HERC3: variants seen among roughly 807,000 people sequenced by gnomAD.
The protein encoded by HERC3 is probable E3 ubiquitin-protein ligase HERC3.
A neutral mutation model predicts 129.9 loss-of-function variants in HERC3; 58 were observed. The ratio of observed to expected loss-of-function variants is 0.45; its 90% CI spans 0.36 to 0.56. The LOEUF is 0.56. Among genes scored for constraint, HERC3 ranks in the 20% least tolerant of loss-of-function variants. The pLI is 0.00. For missense variants in HERC3, 835 were observed against 1,244.2 expected, an observed-to-expected ratio of 0.67 and a Z score of 4.95; for synonymous variants, 430 against 451.0, an observed-to-expected ratio of 0.95 and a Z score of 0.59.
chr4:88,697,942 T>C (rs1734839411), intron 23 of HERC3: 4 of 720,330 alleles, frequency 5.6e-6, no homozygotes, highest in Non-Finnish European at 9.1e-6. Flanking sequence ...GACGGCCGTG[T>C]GCTCATACTG....
chr4:88,656,019 G>C lies in HERC3; in HGVS notation c.1053G>C (p.Gln351His), dbSNP rs748645971. 2 of 1,614,060 alleles carry C rather than the reference G, an allele frequency of 1.2e-6. No homozygotes were observed. The highest frequency in any genetic ancestry group is 4.5e-5 in the East Asian group (2 of 44,884). ...GTTACTGGGCTGCCCACAGTGGCCAGCTTTCAGCCCGAGCTGGTAAGAATG... is the reference window on the plus strand; with the variant it reads ...GTTACTGGGCTGCCCACAGTGGCCACCTTTCAGCCCGAGCTGGTAAGAATG... ...VKGYWAAHSG[Q>H]LSARADRFKY... The change falls in exon 9 of 26, where the codon CAG becomes CAC. Residue 351 changes from glutamine to histidine, a missense_variant. Gln to His is a conservative substitution (Grantham distance 24). Coordinates refer to ENST00000402738, the MANE Select transcript of HERC3 (RefSeq NM_014606.3).
At chr4:88,609,180 G>A (rs1043572115) in intron 3 of HERC3, among the ~76,000 whole-genome samples, 3 of 151,928 alleles carry the variant, frequency 2.0e-5, no homozygotes, top group Admixed American at 1.3e-4. Context: ...CTACTTGGGA[G>A]GTTGAGGTTG....
intron 23 of HERC3, among the ~76,000 whole-genome samples, chr4:88,688,781 A>G (rs924773508): frequency 6.6e-6 from 1 of 152,238 alleles, no homozygotes; most frequent in Non-Finnish European, 1.5e-5. Flanking sequence ...GCTTACAGCA[A>G]GAATCAACAA....
upstream of HERC3, chr4:88,592,405 A>C (rs1313426984): frequency 2.0e-5 from 3 of 152,268 alleles, no homozygotes; most frequent in Non-Finnish European, 4.4e-5. Context: ...CCCATCCCAG[A>C]ACGGCGCCCA....
chr4:88,682,111 A>C (rs1173994566), intron 21 of HERC3, among the ~76,000 whole-genome samples: 1 of 152,190 alleles, frequency 6.6e-6, no homozygotes, highest in Admixed American at 6.5e-5. Context: ...GTTGATGGAC[A>C]TTGGGTTGTT....
At chr4:88,689,757 T>C (rs563917287) in intron 23 of HERC3, among the ~76,000 whole-genome samples, 1 of 152,204 alleles carries the variant, frequency 6.6e-6, no homozygotes, top group African/African-American at 2.4e-5. Flanking sequence ...TTTGTATTTT[T>C]AGTAGAGATG....
At chr4:88,543,886 GA>G in the HERC3 span, among the ~76,000 whole-genome samples, 1 of 152,140 alleles carries the variant, frequency 6.6e-6, no homozygotes, top group Non-Finnish European at 1.5e-5. Context: ...GCTGAAACTG[GA>G]TCCCTTCCTT....
chr4:88,705,707 G>A (rs779215973), intron 25 of HERC3, among the ~76,000 whole-genome samples: 3 of 152,154 alleles, frequency 2.0e-5, no homozygotes, highest in Non-Finnish European at 2.9e-5. Flanking sequence ...TGTAATCAGC[G>A]TCAGAAATTA....
At chr4:88,599,821 A>C (rs1722787762) in intron 2 of HERC3, among the ~76,000 whole-genome samples, 1 of 152,168 alleles carries the variant, frequency 6.6e-6, no homozygotes, top group African/African-American at 2.4e-5. Context: ...CCACCCATCC[A>C]CTTTTAGGAA....
intron 3 of HERC3, among the ~76,000 whole-genome samples, chr4:88,648,962 G>GT (rs1374561793): frequency 6.7e-6 from 1 of 149,798 alleles, no homozygotes; most frequent in African/African-American, 2.5e-5. Context: ...CTGTTGGTTT[G>GT]TTTTTTGAAT....
At chr4:88,547,032 TC>T in the HERC3 span, among the ~76,000 whole-genome samples, 1 of 152,172 alleles carries the variant, frequency 6.6e-6, no homozygotes, top group African/African-American at 2.4e-5. Context: ...TTTCAGTACT[TC>T]CTTAACCTTT....
At position 88,654,348 on chromosome 4, in the gene HERC3, TCATATATATATA is replaced by T. The variant is rs1194167221; in HGVS notation, c.777+216_777+227del. ...CCTCTTTGGTAATCTTGTAGATTTTTCATATATATATATATATATATATATATATATATATAT... is the reference window on the plus strand; with the variant it reads ...CCTCTTTGGTAATCTTGTAGATTTTTTATATATATATATATATATATATAT... On this transcript the variant is annotated intron_variant, in intron 7 of 25. Coordinates refer to ENST00000402738, the MANE Select transcript of HERC3 (RefSeq NM_014606.3). Among the ~76,000 whole-genome samples, 818 of 109,650 alleles carry T rather than the reference TCATATATATATA, an allele frequency of 7.5e-3. 11 individuals are homozygous for T. Among genetic ancestry groups the T allele is most frequent in the African/African-American group, 0.025 (776 of 31,478 alleles). The allele number at this position is 109,650 out of a possible 152,430, so 71.9% of individuals were successfully genotyped here. A position where few individuals can be genotyped will look rare whatever the true frequency, so the allele number is the denominator to read the frequency against.
intron 16 of HERC3, among the ~76,000 whole-genome samples, chr4:88,670,620 T>C (rs140095049): frequency 3.3e-5 from 5 of 152,218 alleles, no homozygotes; most frequent in African/African-American, 1.2e-4. Flanking sequence ...TAAGAAAGTT[T>C]GGAGATCCAA....
upstream of HERC3, among the ~76,000 whole-genome samples, chr4:88,588,899 G>C (rs1027511008): frequency 3.3e-5 from 5 of 152,204 alleles, no homozygotes; most frequent in Admixed American, 1.3e-4. Flanking sequence ...ACCAGTGATA[G>C]AGCTGAACCA....
chr4:88,529,269 G>C, the HERC3 span, among the ~76,000 whole-genome samples: 2 of 152,108 alleles, frequency 1.3e-5, no homozygotes, highest in African/African-American at 4.8e-5. Flanking sequence ...TTCAAGACCA[G>C]ACTGAGCAAC....
At chr4:88,683,393 G>C (rs1223728548) in intron 21 of HERC3, among the ~76,000 whole-genome samples, 1 of 152,126 alleles carries the variant, frequency 6.6e-6, no homozygotes, top group African/African-American at 2.4e-5. Flanking sequence ...GACACACAGA[G>C]TGGAAGAAAA....
chr4:88,666,692 G>A (rs1043187114), intron 12 of HERC3, among the ~76,000 whole-genome samples: 7 of 152,230 alleles, frequency 4.6e-5, no homozygotes, highest in South Asian at 2.1e-4. Flanking sequence ...ATGTTCAAGA[G>A]CAGGATATAT....
chr4:88,556,919 T>C, the HERC3 span, among the ~76,000 whole-genome samples: 1 of 152,096 alleles, frequency 6.6e-6, no homozygotes, highest in Non-Finnish European at 1.5e-5. Context: ...TGCTGGAATC[T>C]TTCCTATTCT....
At chr4:88,700,924 C>A (rs1355302137) in intron 23 of HERC3, among the ~76,000 whole-genome samples, 3 of 152,072 alleles carry the variant, frequency 2.0e-5, no homozygotes, top group Non-Finnish European at 2.9e-5. Flanking sequence ...TATGGCCTAC[C>A]CACATTATGG....
Sources: allele counts gnomAD v4.1 joint callset (sites outside exome capture counted in the v4.1 genomes callset), GRCh38; gene constraint gnomAD v4.1.1; transcripts MANE v1.5; gene names NCBI Gene and HGNC (gene_info 2026-07-23, HGNC 2026-07-21).